The following STIM1 variants were observed in gnomAD, a reference collection of about 807,000 sequenced individuals.
The protein encoded by STIM1 is stromal interaction molecule 1.
In STIM1, 25 loss-of-function variants were observed where a neutral mutation model predicts 74.7. That is an observed-to-expected ratio of 0.33 (90% CI 0.24 to 0.47). STIM1 has a LOEUF of 0.47. STIM1 is among the 20% of genes least tolerant of loss of function. The pLI is 1.00. For synonymous variants in STIM1, 328 were observed against 348.8 expected, an observed-to-expected ratio of 0.94 and a Z score of 0.66; for missense variants, 728 against 920.8, an observed-to-expected ratio of 0.79 and a Z score of 2.71.
chr11:4,077,089 T>C (rs2094441648), intron 7 of STIM1, among the ~76,000 whole-genome samples: 1 of 151,796 alleles, frequency 6.6e-6, no homozygotes, highest in South Asian at 2.1e-4. Context: ...AGAAAAGATA[T>C]ATGTTACAAA....
intron 6 of STIM1, among the ~76,000 whole-genome samples, chr11:4,071,152 G>A (rs2094401073): frequency 6.6e-6 from 1 of 152,170 alleles, no homozygotes; most frequent in Admixed American, 6.5e-5. Flanking sequence ...TGCATGTGGG[G>A]AAGTTAGTAG....
At chr11:3,863,537 C>T (rs1431967452) in intron 1 of STIM1, among the ~76,000 whole-genome samples, 1 of 152,178 alleles carries the variant, frequency 6.6e-6, no homozygotes, top group African/African-American at 2.4e-5. Context: ...GGATTACAGG[C>T]ATGAGCCACT....
chr11:3,951,381 G>T (rs1486154383), intron 1 of STIM1, among the ~76,000 whole-genome samples: 1 of 152,184 alleles, frequency 6.6e-6, no homozygotes, highest in Non-Finnish European at 1.5e-5. Context: ...TGAGTGGAGG[G>T]TTATATGGGG....
At chr11:3,973,515 T>C in intron 2 of STIM1, 1 of 219,794 alleles carries the variant, frequency 4.5e-6, no homozygotes, top group South Asian at 7.3e-5. Context: ...TCCTCCCATC[T>C]CAGCCTCCCG....
chr11:3,966,043 A>C (rs1249108744), intron 1 of STIM1, among the ~76,000 whole-genome samples: 1 of 152,052 alleles, frequency 6.6e-6, no homozygotes, highest in Non-Finnish European at 1.5e-5. Context: ...AAACCAAAAA[A>C]AACCCCATTT....
Position 4,092,668 on chromosome 11 carries a change from G to A in STIM1, c.*870G>A, listed in dbSNP as rs990609290. On this transcript the variant is annotated 3_prime_UTR_variant, in exon 13 of 13. Coordinates refer to ENST00000526596, the MANE Select transcript of STIM1 (RefSeq NM_001382567.1). Reference sequence around the variant, plus strand: ...GGGCTCAGGACAAGTGGCTCCCCTGGCCAGGAGAGCCACAGCCATGATACA... The same window carrying A: ...GGGCTCAGGACAAGTGGCTCCCCTGACCAGGAGAGCCACAGCCATGATACA... The A allele has an allele frequency of 5.9e-5, 9 of 152,130 alleles. No homozygotes were observed. The highest frequency in any genetic ancestry group is 1.0e-4 in the Non-Finnish European group (7 of 68,042). 9.4% of individuals were successfully genotyped at this position (152,130 alleles called of 1,614,324 possible).
intron 1 of STIM1, among the ~76,000 whole-genome samples, chr11:3,866,822 A>G (rs2090877790): frequency 1.3e-5 from 2 of 152,192 alleles, no homozygotes; most frequent in African/African-American, 4.8e-5. Context: ...CAGCACCATA[A>G]GAGAGGGTAA....
intron 4 of STIM1, among the ~76,000 whole-genome samples, chr11:4,055,995 G>A (rs910507398): frequency 6.6e-6 from 1 of 152,204 alleles, no homozygotes; most frequent in Non-Finnish European, 1.5e-5. Flanking sequence ...AACTGGTTAA[G>A]TAACTTATCC....
Position 3,951,907 on chromosome 11 carries a change from T to A in STIM1, c.140-15645T>A, listed in dbSNP as rs1364032984. ...GGGGTAGCTTTTGAACAAGTGTGTG[T>A]TGGTTTAATTCTTCTGGGGCCGTCT... On this transcript the variant is annotated intron_variant, in intron 1 of 12. Coordinates refer to ENST00000526596, the MANE Select transcript of STIM1 (RefSeq NM_001382567.1). 4.6e-5 allele frequency among the ~76,000 whole-genome samples: 7 copies of A among 152,130 alleles called. No individual in the cohort carries two copies. In the East Asian group the frequency reaches 1.2e-3, roughly 25 times the overall value.
chr11:4,000,242 C>A (rs1208364954), intron 2 of STIM1, among the ~76,000 whole-genome samples: 3 of 99,602 alleles, frequency 3.0e-5, no homozygotes, highest in Admixed American at 1.2e-4. Context: ...GTGGTTCTCC[C>A]AGCATGCAGC....
chr11:3,858,715 T>A (rs2090485127), intron 1 of STIM1, among the ~76,000 whole-genome samples: 1 of 152,230 alleles, frequency 6.6e-6, no homozygotes, highest in East Asian at 1.9e-4. Flanking sequence ...TACTTGCTCT[T>A]AAAACTACTA....
intron 1 of STIM1, among the ~76,000 whole-genome samples, chr11:3,866,087 G>C (rs1163829765): frequency 6.6e-6 from 1 of 152,148 alleles, no homozygotes; most frequent in Admixed American, 6.6e-5. Flanking sequence ...TCCTGACACA[G>C]AGTTCCAGCC....
intron 2 of STIM1, among the ~76,000 whole-genome samples, chr11:3,968,958 A>C (rs1357623409): frequency 6.6e-6 from 1 of 152,254 alleles, no homozygotes; most frequent in African/African-American, 2.4e-5. Flanking sequence ...CTTCAGGGAC[A>C]CAGTGAATAT....
At chr11:4,012,616 G>A (rs1391367325) in intron 2 of STIM1, among the ~76,000 whole-genome samples, 1 of 152,208 alleles carries the variant, frequency 6.6e-6, no homozygotes, top group Non-Finnish European at 1.5e-5. Context: ...AGTTTAAGGA[G>A]ATTTTGGGCG....
rs768698563 is a variant in STIM1, at chr11:3,978,148, C to CT, written c.270+10483dup. Among the ~76,000 whole-genome samples the CT allele has an allele frequency of 2.9e-3, 408 of 139,356 alleles. 3 individuals carry two copies. The highest frequency in any genetic ancestry group is 6.5e-3 in the African/African-American group (248 of 38,238). The allele number at this position is 139,356 out of a possible 152,430, so 91.4% of individuals were successfully genotyped here. ...CCAGCCTCCTACATATGCCTGTGTA[C>CT]TTTTTTTTTTTTTTTTTGAGACGGA... On this transcript the variant is annotated intron_variant, in intron 2 of 12. Coordinates refer to ENST00000526596, the MANE Select transcript of STIM1 (RefSeq NM_001382567.1).
intron 1 of STIM1, among the ~76,000 whole-genome samples, chr11:3,900,797 A>T (rs2092328156): frequency 1.3e-5 from 2 of 152,116 alleles, no homozygotes; most frequent in South Asian, 4.1e-4. Context: ...GCTGGTCTTG[A>T]ACTCCTGGAC....
chr11:3,899,491 A>C (rs997410476), intron 1 of STIM1, among the ~76,000 whole-genome samples: 6 of 151,984 alleles, frequency 3.9e-5, no homozygotes, highest in African/African-American at 1.4e-4. Context: ...CTCTTTTCCT[A>C]ATCGAATACC....
chr11:3,983,992 G>A (rs561431692), intron 2 of STIM1, among the ~76,000 whole-genome samples: 3 of 151,838 alleles, frequency 2.0e-5, no homozygotes, highest in Admixed American at 6.6e-5. Flanking sequence ...TCAGCCTCGC[G>A]AGTAGCTGGG....
At chr11:4,055,962 G>T (rs1323867010) in intron 4 of STIM1, among the ~76,000 whole-genome samples, 1 of 152,158 alleles carries the variant, frequency 6.6e-6, no homozygotes, top group Non-Finnish European at 1.5e-5. Context: ...TGTAAGGTGG[G>T]TATTATTGTA....
Sources: gnomAD v4.1 joint callset for allele counts (sites outside exome capture counted in the v4.1 genomes callset) on GRCh38, gnomAD v4.1.1 for gene constraint, MANE v1.5 for transcripts, NCBI Gene and HGNC (gene_info 2026-07-23, HGNC 2026-07-21) for gene names.